Variants in SLC28A2 observed in about 807,000 individuals in gnomAD.
SLC28A2 encodes sodium/nucleoside cotransporter 2.
A neutral mutation model predicts 72.9 loss-of-function variants in SLC28A2; 69 were observed. That is an observed-to-expected ratio of 0.95 (90% CI 0.78 to 1.16). The LOEUF (loss-of-function observed/expected upper bound fraction) is 1.16. Among genes scored for constraint, SLC28A2 ranks in the 50% most tolerant of loss-of-function variants. SLC28A2 has a pLI of 0.00. For synonymous variants in SLC28A2, 296 were observed against 294.1 expected (o/e 1.01, Z -0.07); for missense variants, 745 against 791.1 (o/e 0.94, Z 0.70).
At chr15:45,260,127 T>C (rs567728844) in intron 3 of SLC28A2, among the ~76,000 whole-genome samples, 10 of 152,308 alleles carry the variant, frequency 6.6e-5, no homozygotes, top group Admixed American at 4.6e-4. Context: ...AGCAAAAGTC[T>C]TGAAGCAGTG....
chr15:45,269,990 G>A (rs59571341), intron 14 of SLC28A2, among the ~76,000 whole-genome samples: 2,806 of 152,168 alleles, frequency 0.018, 93 homozygotes, highest in African/African-American at 0.065. Flanking sequence ...CAGGAACAGC[G>A]TTGGGCAATG....
At chr15:45,270,094 A>T in intron 14 of SLC28A2, 101 bp from the exon 15 acceptor site, 1 of 785,864 alleles carries the variant, frequency 1.3e-6, no homozygotes, top group Non-Finnish European at 2.2e-6. Flanking sequence ...GAAACCATGG[A>T]AAAGACTGGG....
At chr15:45,254,838 A>G (rs1362954571) in intron 3 of SLC28A2, among the ~76,000 whole-genome samples, 2 of 152,182 alleles carry the variant, frequency 1.3e-5, no homozygotes. Flanking sequence ...TTGACAGTAA[A>G]TTCTTTGTAA....
intron 13 of SLC28A2, 64 bp from the exon 14 acceptor site, chr15:45,269,274 C>T: frequency 7.3e-7 from 1 of 1,378,620 alleles, no homozygotes; most frequent in Non-Finnish European, 1.0e-6. Context: ...CAGAGAAGGT[C>T]CTTGGCACCT....
At chr15:45,271,997 G>A in intron 15 of SLC28A2, 2 of 306,252 alleles carry the variant, frequency 6.5e-6, no homozygotes, top group Non-Finnish European at 1.2e-5. Context: ...TACCTGTCTG[G>A]AGAAACCCAG....
At chr15:45,252,472 T>C (rs1364889041) in intron 1 of SLC28A2, among the ~76,000 whole-genome samples, 194 bp downstream of exon 1, 7 of 152,334 alleles carry the variant, frequency 4.6e-5, no homozygotes, top group African/African-American at 1.2e-4. Flanking sequence ...AGCAATTCCA[T>C]GGGGAAGGGA....
intron 17 of SLC28A2, among the ~76,000 whole-genome samples, chr15:45,273,427 A>C (rs1170579869): frequency 6.6e-6 from 1 of 152,208 alleles, no homozygotes; most frequent in Non-Finnish European, 1.5e-5. Context: ...GAACACACAA[A>C]AGGAAAGATT....
In SLC28A2 at chr15:45,265,671, G is replaced by A. The variant is rs756586580; in HGVS notation, c.861+8G>A. ...CAATGGGTAGTTCAGAAGGTGAGTC[G>A]TTCTCTTACACCAGTCAGGAGACAG... is the stretch of plus-strand genomic sequence containing the variant. On this transcript the variant is annotated splice_region_variant and intron_variant, in intron 9 of 17. Transcript: ENST00000347644. 69 of 1,587,130 alleles carry A rather than the reference G, an allele frequency of 4.3e-5. No individual in the cohort carries two copies. Among genetic ancestry groups the A allele is most frequent in the South Asian group, 1.1e-4 (10 of 90,546 alleles).
chr15:45,272,312 C>G lies in SLC28A2; in HGVS notation c.1666C>G (p.Arg556Gly), dbSNP rs536193391. The G allele has an allele frequency of 6.2e-6, 10 of 1,613,706 alleles. No homozygotes were observed. Among genetic ancestry groups the G allele is most frequent in the Non-Finnish European group, 8.5e-6 (10 of 1,179,944 alleles). Residue 556 changes from arginine (R) to glycine (G), a missense_variant, in exon 16 of 18, where the codon CGG (arginine) becomes GGG (glycine). By Grantham distance (125) the Arg-to-Gly change is moderately radical. Transcript: ENST00000347644. ...LGGLTSIVPH[R>G]KSDLSKVVVR... Reference sequence around the variant, plus strand: ...GTCTGCAGCATCAATAGTACCTCACCGGAAGAGTGACTTGTCCAAGGTTGT... The same window carrying G: ...GTCTGCAGCATCAATAGTACCTCACGGGAAGAGTGACTTGTCCAAGGTTGT...
At chr15:45,269,115 T>C (rs1900451382) in intron 13 of SLC28A2, among the ~76,000 whole-genome samples, 1 of 151,368 alleles carries the variant, frequency 6.6e-6, no homozygotes, top group African/African-American at 2.4e-5. Flanking sequence ...CATGTATACA[T>C]ATGTAACTAA....
rs1057421989 is a variant in SLC28A2, at chr15:45,275,528, T to C, written c.*15T>C. On this transcript the variant is annotated 3_prime_UTR_variant, in exon 18 of 18. Transcript: ENST00000347644. ...TCTGTGCCTAAGGCTGCTTGATCTA[T>C]TTCTATAACAGTTTTGATCTTAAAA... 4.7e-6 allele frequency: 7 copies of C among 1,486,034 alleles called. No individual in the cohort carries two copies. The highest frequency in any genetic ancestry group is 6.6e-6 in the Non-Finnish European group (7 of 1,065,854). The allele number at this position is 1,486,034 out of a possible 1,614,324, so 92.1% of individuals were successfully genotyped here. A position where few individuals can be genotyped will look rare whatever the true frequency, so the allele number is the denominator to read the frequency against.
chr15:45,271,232 G>A (rs1419761509), intron 15 of SLC28A2, among the ~76,000 whole-genome samples: 5 of 152,162 alleles, frequency 3.3e-5, no homozygotes. Flanking sequence ...AGGGGCACAG[G>A]GGTGACTAGC....
At chr15:45,264,050 T>C (rs760897201) in intron 6 of SLC28A2, 28 bp downstream of exon 6, 2 of 1,589,658 alleles carry the variant, frequency 1.3e-6, no homozygotes, top group African/African-American at 1.3e-5. Context: ...GGGTTGGGTA[T>C]AGCAACACAT....
chr15:45,264,028 T>C lies in SLC28A2; in HGVS notation c.588+6T>C, dbSNP rs774890810. On this transcript the variant is annotated splice_donor_region_variant and intron_variant, in intron 6 of 17. Coordinates refer to ENST00000347644, the MANE Select transcript of SLC28A2 (RefSeq NM_004212.4). Reference sequence around the variant, plus strand: ...GCTCCAAACACCACAGCGCAGTGAGTTTTGGGTATTTGGGTTGGGTATAGC... The same window carrying C: ...GCTCCAAACACCACAGCGCAGTGAGCTTTGGGTATTTGGGTTGGGTATAGC... The C allele has an allele frequency of 1.2e-6, 2 of 1,606,090 alleles. No individual in the cohort carries two copies. Among genetic ancestry groups the C allele is most frequent in the East Asian group, 4.5e-5 (2 of 44,706 alleles).
intron 8 of SLC28A2, 75 bp downstream of exon 8, chr15:45,265,241 G>A: frequency 9.4e-7 from 1 of 1,059,986 alleles, no homozygotes; most frequent in Non-Finnish European, 1.5e-6. Context: ...GAAAGTGTGT[G>A]TCCAAGAGAT....
chr15:45,258,573 G>A (rs1900049433), intron 3 of SLC28A2, among the ~76,000 whole-genome samples: 1 of 152,134 alleles, frequency 6.6e-6, no homozygotes, highest in Admixed American at 6.5e-5. Context: ...TATATGGGAA[G>A]TCTAATTTAT....
At chr15:45,261,970 T>C in intron 3 of SLC28A2, 45 bp from the exon 4 acceptor site, 2 of 1,159,992 alleles carry the variant, frequency 1.7e-6, no homozygotes, top group Non-Finnish European at 2.6e-6. Flanking sequence ...TTAATAGAAA[T>C]GGGATGGAGT....
Position 45,270,254 on chromosome 15 carries a change from A to G in SLC28A2, c.1626A>G (p.Ile542Met), listed in dbSNP as rs1292255086. 1 of 1,612,992 alleles carries G rather than the reference A, an allele frequency of 6.2e-7. No individual in the cohort carries two copies. The highest frequency in any genetic ancestry group is 1.3e-5 in the African/African-American group (1 of 74,920). ...SLCGFANLSS[I>M]GITLGGLTSI... The stretch of plus-strand genomic sequence containing the variant: ...GTGGATTTGCCAATCTTAGTTCCAT[A>G]GGAATCACACTTGGAGGCTTGAGTG... Residue 542 changes from isoleucine (I) to methionine (M), a missense_variant, in exon 15 of 18, where the codon ATA becomes ATG. By Grantham distance (10) the Ile-to-Met change is conservative. Coordinates refer to ENST00000347644, the MANE Select transcript of SLC28A2 (RefSeq NM_004212.4).
At chr15:45,266,535 T>C (rs1900341779) in intron 10 of SLC28A2, among the ~76,000 whole-genome samples, 1 of 152,208 alleles carries the variant, frequency 6.6e-6, no homozygotes, top group Admixed American at 6.5e-5. Context: ...CCAGGGTCTC[T>C]AAGGAGGAAA....
Sources: gnomAD v4.1 joint callset for allele counts (sites outside exome capture counted in the v4.1 genomes callset) on GRCh38, gnomAD v4.1.1 for gene constraint, MANE v1.5 for transcripts, NCBI Gene and HGNC (gene_info 2026-07-23, HGNC 2026-07-21) for gene names.